Variants in PRLR observed in about 807,000 individuals in gnomAD.
The protein encoded by PRLR is prolactin receptor.
In PRLR, 13 loss-of-function variants were observed where a neutral mutation model predicts 40.2. The observed-to-expected ratio is 0.32, with a 90% CI of 0.21 to 0.51. PRLR has a LOEUF of 0.51. Ranked by LOEUF, PRLR falls within the 20% of genes least tolerant of loss-of-function variation. PRLR has a pLI of 0.97. For missense variants in PRLR, 656 were observed against 747.3 expected (o/e 0.88, Z 1.42); for synonymous variants, 269 against 278.7 (o/e 0.97, Z 0.35).
At chr5:35,112,657 G>A (rs1358894807) in intron 2 of PRLR, among the ~76,000 whole-genome samples, 2 of 152,082 alleles carry the variant, frequency 1.3e-5, no homozygotes, top group African/African-American at 2.4e-5. Context: ...CAGTCCCAAA[G>A]TCCCTCTCTC....
intron 1 of PRLR, among the ~76,000 whole-genome samples, chr5:35,146,536 G>C (rs1774186841): frequency 6.6e-6 from 1 of 152,160 alleles, no homozygotes; most frequent in African/African-American, 2.4e-5. Flanking sequence ...GGCTGGGGAG[G>C]ACCTCCATGT....
intron 2 of PRLR, among the ~76,000 whole-genome samples, chr5:35,092,093 C>T (rs1771248999): frequency 6.6e-6 from 1 of 152,118 alleles, no homozygotes; most frequent in South Asian, 2.1e-4. Flanking sequence ...TTGTCATCTG[C>T]TTACATGTTC....
In PRLR at chr5:35,226,743, T is replaced by G. The variant is rs141366216; in HGVS notation, c.-106+3525A>C. ...CCCACGCCCTGTCCCTCTGTAGCCT[T>G]CAGCCTCTATTTTCTTCATAGCATT... On this transcript the variant is annotated intron_variant, in intron 1 of 9. Transcript: ENST00000618457. Among the ~76,000 whole-genome samples the G allele has an allele frequency of 4.0e-3, 603 of 152,330 alleles. 2 individuals are homozygous for G. Among genetic ancestry groups the G allele is most frequent in the Non-Finnish European group, 6.8e-3 (460 of 68,036 alleles).
At chr5:35,149,615 T>C (rs1257471141) in intron 1 of PRLR, among the ~76,000 whole-genome samples, 2 of 152,174 alleles carry the variant, frequency 1.3e-5, no homozygotes, top group East Asian at 3.9e-4. Context: ...CTCTAATTTA[T>C]AGTTTTATCA....
intron 1 of PRLR, among the ~76,000 whole-genome samples, chr5:35,207,509 G>A (rs1776053267): frequency 6.6e-6 from 1 of 152,056 alleles, no homozygotes; most frequent in Non-Finnish European, 1.5e-5. Context: ...AAAGAATTGA[G>A]TAAGTGGGAA....
Position 35,068,909 on chromosome 5 carries a change from C to T in PRLR, c.686-31G>A, listed in dbSNP as rs553183272. The T allele has an allele frequency of 4.5e-5, 67 of 1,495,904 alleles. No homozygotes were observed. The South Asian group carries it at 5.9e-4, about 13-fold the overall frequency. 92.7% of individuals were successfully genotyped at this position (1,495,904 alleles called of 1,614,324 possible). A position where few individuals can be genotyped will look rare whatever the true frequency, so the allele number is the denominator to read the frequency against. ...AAACAAACAGCCAGAAAGCTTTGAT[C>T]ACGTACAGCATCATTAAAAACAAAC... On this transcript the variant is annotated intron_variant, in intron 7 of 9. Transcript: ENST00000618457.
intron 1 of PRLR, among the ~76,000 whole-genome samples, chr5:35,150,193 T>C (rs1774301105): frequency 6.6e-6 from 1 of 152,208 alleles, no homozygotes; most frequent in Non-Finnish European, 1.5e-5. Flanking sequence ...CACTACCTAG[T>C]CTAAAATAGT....
rs373661164 is a variant in PRLR at position 35,191,720 on chromosome 5, A to G, written c.-106+38548T>C. Among the ~76,000 whole-genome samples, 76 of 152,342 alleles carry G rather than the reference A, an allele frequency of 5.0e-4. No individual in the cohort carries two copies. The East Asian group carries it at 0.013, about 26-fold the overall frequency. On this transcript the variant is annotated intron_variant, in intron 1 of 9. Transcript: ENST00000618457. ...GCACTCAAATAACAGACACCCGAAG[A>G]AAACAGATTCTTGTGAGACACAGAC...
intron 5 of PRLR, among the ~76,000 whole-genome samples, chr5:35,084,156 C>G (rs898760840): frequency 6.6e-6 from 1 of 152,064 alleles, no homozygotes; most frequent in East Asian, 1.9e-4. Flanking sequence ...AAGGAAGAAG[C>G]GGACATCAAT....
intron 1 of PRLR, among the ~76,000 whole-genome samples, chr5:35,221,917 C>T (rs1039561812): frequency 1.5e-4 from 23 of 152,166 alleles, no homozygotes; most frequent in East Asian, 9.6e-4. Flanking sequence ...GCTTTTTCCC[C>T]GCACTGTCCT....
chr5:35,066,921 G>A (rs945592975), intron 9 of PRLR, among the ~76,000 whole-genome samples: 3 of 151,902 alleles, frequency 2.0e-5, no homozygotes, highest in Admixed American at 6.6e-5. Flanking sequence ...CCACCACCAC[G>A]CCTGGCTAAT....
At chr5:35,087,572 G>C (rs73072965) in intron 3 of PRLR, among the ~76,000 whole-genome samples, 183 of 151,940 alleles carry the variant, frequency 1.2e-3, no homozygotes, top group African/African-American at 4.2e-3. Context: ...TGGGGTAGGA[G>C]GTGTGGTAAG....
Position 35,062,360 on chromosome 5 carries a change from A to G in PRLR, c.*2729T>C, listed in dbSNP as rs1769090491. 2 of 152,268 alleles carry G rather than the reference A, an allele frequency of 1.3e-5. No homozygotes were observed. The highest frequency in any genetic ancestry group is 4.8e-5 in the African/African-American group (2 of 41,442). The allele number at this position is 152,268 out of a possible 1,614,324, so 9.4% of individuals were successfully genotyped here. ...TCTCCAAGGCAAAGCAGTTAGGACC[A>G]GAATCTAGGTCTCTTCACCGCCCCC... On this transcript the variant is annotated 3_prime_UTR_variant, in exon 10 of 10. Coordinates refer to ENST00000618457, the MANE Select transcript of PRLR (RefSeq NM_000949.7).
At position 35,083,904 on chromosome 5, in the gene PRLR, T is replaced by C. The variant is rs549868254; in HGVS notation, c.373+566A>G. On this transcript the variant is annotated intron_variant, in intron 5 of 9. Coordinates refer to ENST00000618457, the MANE Select transcript of PRLR (RefSeq NM_000949.7). ...ATCTTATGTTATAAAAGTAACATGA[T>C]TACTTTGTAAATGTTTAGTAAAAAA... Among the ~76,000 whole-genome samples, 156 of 152,254 alleles carry C rather than the reference T, an allele frequency of 1.0e-3. 1 individual carries two copies. The highest frequency in any genetic ancestry group is 3.0e-3 in the African/African-American group (125 of 41,530).
At chr5:35,111,099 G>A (rs1226177664) in intron 2 of PRLR, among the ~76,000 whole-genome samples, 3 of 152,130 alleles carry the variant, frequency 2.0e-5, no homozygotes, top group African/African-American at 7.2e-5. Flanking sequence ...TCAATAAATG[G>A]TTCTGAATAA....
intron 1 of PRLR, among the ~76,000 whole-genome samples, chr5:35,188,470 A>G (rs1775509103): frequency 6.6e-6 from 1 of 152,096 alleles, no homozygotes; most frequent in South Asian, 2.1e-4. Flanking sequence ...AGACATGGAG[A>G]AGTTTGCTTT....
intron 1 of PRLR, among the ~76,000 whole-genome samples, chr5:35,156,228 T>C (rs1281045284): frequency 6.6e-6 from 1 of 152,116 alleles, no homozygotes; most frequent in Non-Finnish European, 1.5e-5. Flanking sequence ...TGAATCCTGT[T>C]GACTCTATCT....
At chr5:35,157,045 G>C (rs1774530095) in intron 1 of PRLR, among the ~76,000 whole-genome samples, 1 of 151,942 alleles carries the variant, frequency 6.6e-6, no homozygotes, top group African/African-American at 2.4e-5. Flanking sequence ...GCTTGGCTTT[G>C]AATTAGGAGC....
intron 1 of PRLR, among the ~76,000 whole-genome samples, chr5:35,203,882 CTT>C (rs1272881113): frequency 6.6e-6 from 1 of 152,012 alleles, no homozygotes; most frequent in East Asian, 1.9e-4. Context: ...GAACCATTCT[CTT>C]TGTTTGGTAA....
Sources: allele counts gnomAD v4.1 joint callset (sites outside exome capture counted in the v4.1 genomes callset), GRCh38; gene constraint gnomAD v4.1.1; transcripts MANE v1.5; gene names NCBI Gene and HGNC (gene_info 2026-07-23, HGNC 2026-07-21).